MMP26: variants seen among roughly 807,000 people sequenced by gnomAD.
The protein encoded by MMP26 is matrix metallopeptidase 26, also known as matrix metalloproteinase-26.
Under a neutral mutation model 31.0 loss-of-function variants are expected in MMP26, and 33 were observed. That is an observed-to-expected ratio of 1.06 (90% CI 0.81 to 1.42). The LOEUF (loss-of-function observed/expected upper bound fraction) is 1.42. Ranked by LOEUF, MMP26 falls within the 40% of genes most tolerant of loss-of-function variation. The pLI is 0.00. For synonymous variants in MMP26, 122 were observed against 114.9 expected (o/e 1.06, Z -0.40); for missense variants, 347 against 316.1 (o/e 1.10, Z -0.74).
chr11:4,841,295 T>C (rs1263444342), intron 2 of MMP26, among the ~76,000 whole-genome samples: 1 of 152,044 alleles, frequency 6.6e-6, no homozygotes, highest in Non-Finnish European at 1.5e-5. Context: ...CTAGAGAAAG[T>C]TGTTAATATA....
intron 1 of MMP26, among the ~76,000 whole-genome samples, chr11:4,763,742 A>G (rs79016585): frequency 6.6e-6 from 1 of 152,236 alleles, no homozygotes; most frequent in Non-Finnish European, 1.5e-5. Flanking sequence ...CAAAACAGCA[A>G]TGAGTAAGGA....
intron 1 of MMP26, among the ~76,000 whole-genome samples, chr11:4,705,808 T>C (rs954495914): frequency 2.0e-5 from 3 of 151,978 alleles, no homozygotes; most frequent in Admixed American, 6.6e-5. Flanking sequence ...GCCAACATGG[T>C]GAAACCCCAT....
chr11:4,976,442 A>G (rs937096749), intron 2 of MMP26, among the ~76,000 whole-genome samples: 1 of 152,044 alleles, frequency 6.6e-6, no homozygotes, highest in Non-Finnish European at 1.5e-5. Context: ...ACCCATCTTA[A>G]TGCTCTTGAT....
chr11:4,723,494 C>T (rs1215936061), intron 1 of MMP26: 11 of 1,115,068 alleles, frequency 9.9e-6, no homozygotes, highest in Non-Finnish European at 1.5e-5. Context: ...TCTGGGATCT[C>T]CTCTTCATAC....
intron 1 of MMP26, among the ~76,000 whole-genome samples, chr11:4,763,672 C>T (rs887160034): frequency 6.6e-6 from 1 of 152,096 alleles, no homozygotes; most frequent in Non-Finnish European, 1.5e-5. Context: ...AAAGAATGAA[C>T]AAATAAATGC....
intron 2 of MMP26, among the ~76,000 whole-genome samples, chr11:4,844,808 G>A (rs1343677425): frequency 6.6e-6 from 1 of 152,100 alleles, no homozygotes; most frequent in African/African-American, 2.4e-5. Context: ...GTATCACACT[G>A]AGGAAAAACT....
At chr11:4,734,406 C>G (rs1382510585) in intron 1 of MMP26, among the ~76,000 whole-genome samples, 1 of 151,952 alleles carries the variant, frequency 6.6e-6, no homozygotes, top group East Asian at 1.9e-4. Flanking sequence ...TCTAAACATT[C>G]TTTTATTCCT....
intron 2 of MMP26, among the ~76,000 whole-genome samples, chr11:4,873,827 A>G (rs1006843116): frequency 6.6e-6 from 1 of 152,104 alleles, no homozygotes; most frequent in African/African-American, 2.4e-5. Flanking sequence ...GAAGCGAGGA[A>G]TTAAGCGCAG....
intron 2 of MMP26, among the ~76,000 whole-genome samples, chr11:4,808,781 A>G (rs1433748297): frequency 6.7e-6 from 1 of 149,236 alleles, no homozygotes; most frequent in Non-Finnish European, 1.5e-5. Context: ...TTTGGTGGAC[A>G]ATGGAGGAGC....
intron 2 of MMP26, among the ~76,000 whole-genome samples, chr11:4,926,839 C>G (rs1458195799): frequency 3.9e-5 from 6 of 152,132 alleles, no homozygotes; most frequent in Non-Finnish European, 8.8e-5. Context: ...AGCTCACAAG[C>G]CTAGCACAGA....
intron 2 of MMP26, among the ~76,000 whole-genome samples, chr11:4,881,397 G>T (rs1850460961): frequency 6.6e-6 from 1 of 152,018 alleles, no homozygotes; most frequent in Non-Finnish European, 1.5e-5. Context: ...GCATTCATCT[G>T]CACGTGAAGA....
chr11:4,786,446 T>G (rs1848945529), intron 2 of MMP26, among the ~76,000 whole-genome samples: 1 of 150,546 alleles, frequency 6.6e-6, no homozygotes. Flanking sequence ...ATCTCAGCTC[T>G]TTTTCCTCTT....
chr11:4,726,708 T>A (rs1848105130), intron 1 of MMP26, among the ~76,000 whole-genome samples: 1 of 152,120 alleles, frequency 6.6e-6, no homozygotes. Context: ...GTTTTATAAC[T>A]TTAAGTAGGA....
chr11:4,783,207 G>A (rs547489331), intron 2 of MMP26, among the ~76,000 whole-genome samples: 1 of 152,348 alleles, frequency 6.6e-6, no homozygotes, highest in African/African-American at 2.4e-5. Flanking sequence ...AACCAGGTGG[G>A]AGGATGTACC....
At chr11:4,925,750 C>T (rs1851262324) in intron 2 of MMP26, among the ~76,000 whole-genome samples, 1 of 147,378 alleles carries the variant, frequency 6.8e-6, no homozygotes, top group South Asian at 2.2e-4. Flanking sequence ...GTCAATAAAA[C>T]CAAGCCACCA....
Position 4,781,596 on chromosome 11 carries a change from A to C in MMP26, c.-145+14255A>C, listed in dbSNP as rs1307510529. On this transcript the variant is annotated intron_variant, in intron 2 of 7. Coordinates refer to ENST00000380390, the MANE Select transcript of MMP26 (RefSeq NM_021801.5). ...AAAAAAAAAAAAAAAAAAAAAAAAA[A>C]AAAAAAAAAAACTGATTGCATAATC... Among the ~76,000 whole-genome samples, 16 of 58,212 alleles carry C rather than the reference A, an allele frequency of 2.7e-4. 4 individuals carry two copies. Among genetic ancestry groups the C allele is most frequent in the Admixed American group, 1.2e-3 (7 of 6,082 alleles). The allele number at this position is 58,212 out of a possible 152,430, so 38.2% of individuals were successfully genotyped here.
intron 2 of MMP26, among the ~76,000 whole-genome samples, chr11:4,843,557 A>G (rs1849825524): frequency 6.6e-6 from 1 of 152,190 alleles, no homozygotes; most frequent in East Asian, 1.9e-4. Context: ...GCAGGGTGCC[A>G]TGTCTCAAGG....
intron 2 of MMP26, among the ~76,000 whole-genome samples, chr11:4,893,528 G>A (rs528073816): frequency 6.6e-6 from 1 of 152,180 alleles, no homozygotes; most frequent in Admixed American, 6.5e-5. Context: ...TCCTCAGAAA[G>A]GTCTGCTTTG....
chr11:4,821,875 A>G (rs759506021), intron 2 of MMP26: 3 of 1,613,936 alleles, frequency 1.9e-6, no homozygotes, highest in African/African-American at 1.3e-5. Flanking sequence ...GAGCATGTTG[A>G]TAAGAAATGT....
Sources: gnomAD v4.1 joint callset for allele counts (sites outside exome capture counted in the v4.1 genomes callset) on GRCh38, gnomAD v4.1.1 for gene constraint, MANE v1.5 for transcripts, NCBI Gene and HGNC (gene_info 2026-07-23, HGNC 2026-07-21) for gene names.